The following RGL1 variants were observed in gnomAD, a reference collection of about 807,000 sequenced individuals.
The protein encoded by RGL1 is ral guanine nucleotide dissociation stimulator like 1.
In RGL1, 24 loss-of-function variants were observed where a neutral mutation model predicts 95.2. The observed-to-expected ratio is 0.25, with a 90% CI of 0.18 to 0.35. The LOEUF is 0.35. Ranked by LOEUF, RGL1 falls within the 10% of genes least tolerant of loss-of-function variation. RGL1 has a pLI of 1.00. For missense variants in RGL1, 715 were observed against 936.3 expected, an observed-to-expected ratio of 0.76 and a Z score of 3.08; for synonymous variants, 329 against 344.9, an observed-to-expected ratio of 0.95 and a Z score of 0.51.
intron 1 of RGL1, among the ~76,000 whole-genome samples, chr1:183,645,585 A>G (rs544811879): frequency 6.6e-6 from 1 of 152,292 alleles, no homozygotes; most frequent in African/African-American, 2.4e-5. Context: ...GAGCAACCCA[A>G]TTTCTCTCTC....
At chr1:183,783,191 C>G (rs1316241609) in intron 2 of RGL1, among the ~76,000 whole-genome samples, 3 of 147,806 alleles carry the variant, frequency 2.0e-5, no homozygotes, top group African/African-American at 7.8e-5. Context: ...TTGGGGAACT[C>G]TCAAACCTTG....
chr1:183,803,836 T>C (rs1256952849), upstream of RGL1, among the ~76,000 whole-genome samples: 1 of 152,222 alleles, frequency 6.6e-6, no homozygotes, highest in Non-Finnish European at 1.5e-5. Context: ...ATGATTTTCC[T>C]CTGGTTCCCA....
At position 183,707,765 on chromosome 1, in the gene RGL1, C is replaced by A. The variant is rs529792502; in HGVS notation, c.-32-34361C>A. 5.3e-5 allele frequency among the ~76,000 whole-genome samples: 8 copies of A among 151,266 alleles called. No individual in the cohort carries two copies. The South Asian group carries it at 6.3e-4, about 12-fold the overall frequency. ...GGGAAGATGGCAGCTGGGAAGATGG[C>A]GGCTGAGAAGCTAAAGAGGAGGCTT... On this transcript the variant is annotated intron_variant, in intron 1 of 18. Coordinates refer to the RGL1 transcript ENST00000304685.
At chr1:183,915,401 C>G (rs952352405) in intron 15 of RGL1, among the ~76,000 whole-genome samples, 2 of 152,004 alleles carry the variant, frequency 1.3e-5, no homozygotes, top group Non-Finnish European at 2.9e-5. Flanking sequence ...TTAAAAGTAC[C>G]TCTTCCAATA....
chr1:183,801,032 T>C (rs1257016715), upstream of RGL1, among the ~76,000 whole-genome samples: 2 of 66,400 alleles, frequency 3.0e-5, no homozygotes, highest in African/African-American at 9.5e-5. Context: ...TAGTTCTCTT[T>C]AATTTTTTGA....
At chr1:183,700,216 T>C (rs912530412) in intron 1 of RGL1, among the ~76,000 whole-genome samples, 6 of 152,162 alleles carry the variant, frequency 3.9e-5, no homozygotes, top group African/African-American at 1.4e-4. Context: ...TCAATTATGA[T>C]GAGTGGTTTT....
chr1:183,691,549 G>T (rs1198804617), intron 1 of RGL1, among the ~76,000 whole-genome samples: 1 of 152,084 alleles, frequency 6.6e-6, no homozygotes, highest in Non-Finnish European at 1.5e-5. Flanking sequence ...AGTAATTGAG[G>T]AACAAAAAAG....
chr1:183,756,721 ACTGT>A (rs940834252), intron 2 of RGL1, among the ~76,000 whole-genome samples: 1 of 152,060 alleles, frequency 6.6e-6, no homozygotes, highest in Non-Finnish European at 1.5e-5. Flanking sequence ...CTCCAACTAG[ACTGT>A]CTGTCCTTCA....
chr1:183,647,357 G>A (rs935495241), intron 1 of RGL1: 3 of 186,002 alleles, frequency 1.6e-5, no homozygotes, highest in Non-Finnish European at 3.3e-5. Context: ...GGCTTTTGTA[G>A]TGGAAAGATG....
chr1:183,728,463 A>G (rs532562122), intron 1 of RGL1, among the ~76,000 whole-genome samples: 31 of 152,296 alleles, frequency 2.0e-4, no homozygotes, highest in African/African-American at 7.5e-4. Flanking sequence ...AATAAAGTAT[A>G]TGTTAAAACC....
intron 6 of RGL1, 100 bp downstream of exon 6, chr1:183,884,010 G>C (rs1001621452): frequency 2.3e-6 from 3 of 1,292,732 alleles, no homozygotes; most frequent in Non-Finnish European, 3.3e-6. Context: ...GTGATTTTAA[G>C]TCTTCTTGAA....
intron 11 of RGL1, among the ~76,000 whole-genome samples, chr1:183,902,239 G>GTTTC (rs1668069453): frequency 6.6e-6 from 1 of 152,110 alleles, no homozygotes; most frequent in Non-Finnish European, 1.5e-5. Flanking sequence ...TTTGGTAAGG[G>GTTTC]AAAAAAGTGT....
chr1:183,888,547 G>T lies in RGL1; in HGVS notation c.1025G>T (p.Arg342Leu), dbSNP rs369508911. 1 of 1,613,040 alleles carries T rather than the reference G, an allele frequency of 6.2e-7. No individual in the cohort carries two copies. The highest frequency in any genetic ancestry group is 1.1e-5 in the South Asian group (1 of 91,006). The change falls in exon 8 of 18, where the codon CGG becomes CTG. Residue 342 changes from arginine (R) to leucine (L), a missense_variant. Transcript: ENST00000360851. ...GCACTGCAGTCTAATTCCATCTATC[G>T]GTTAAAAAAGACTTGGGCTGCCGTC... ...VSALQSNSIY[R>L]LKKTWAAVPR...
intron 4 of RGL1, among the ~76,000 whole-genome samples, chr1:183,877,013 T>G (rs1666533199): frequency 6.6e-6 from 1 of 152,208 alleles, no homozygotes; most frequent in South Asian, 2.1e-4. Context: ...TCACAACTGA[T>G]CAGTGTCAGG....
At chr1:183,892,772 T>C (rs1053532361) in intron 9 of RGL1, among the ~76,000 whole-genome samples, 1 of 152,208 alleles carries the variant, frequency 6.6e-6, no homozygotes, top group East Asian at 1.9e-4. Context: ...TACCATCTAA[T>C]TGGGGTATAT....
At chr1:183,737,536 G>A (rs1439233975) in intron 1 of RGL1, among the ~76,000 whole-genome samples, 1 of 148,318 alleles carries the variant, frequency 6.7e-6, no homozygotes, top group African/African-American at 2.5e-5. Flanking sequence ...GATCACTTGA[G>A]CCCAGGTGAG....
chr1:183,648,449 A>G (rs1164041728), intron 1 of RGL1: 1 of 1,614,096 alleles, frequency 6.2e-7, no homozygotes, highest in African/African-American at 1.3e-5. Context: ...TGCTGTCATT[A>G]TTGTATATGG....
At chr1:183,911,288 G>T (rs946279383) in intron 14 of RGL1, among the ~76,000 whole-genome samples, 7 of 152,200 alleles carry the variant, frequency 4.6e-5, no homozygotes, top group African/African-American at 1.7e-4. Flanking sequence ...GCTCAGGCAA[G>T]AACAGTCTCC....
At chr1:183,801,999 T>G (rs1661019038), upstream of RGL1, among the ~76,000 whole-genome samples, 1 of 152,186 alleles carries the variant, frequency 6.6e-6, no homozygotes, top group South Asian at 2.1e-4. Flanking sequence ...AACATAAGAT[T>G]ATGAGGGGTC....
Sources: gnomAD v4.1 joint callset for allele counts (sites outside exome capture counted in the v4.1 genomes callset) on GRCh38, gnomAD v4.1.1 for gene constraint, MANE v1.5 for transcripts, NCBI Gene and HGNC (gene_info 2026-07-23, HGNC 2026-07-21) for gene names.